Variants in CIITA observed in about 807,000 individuals in gnomAD.
CIITA encodes the protein MHC class II transactivator.
In CIITA, 72 loss-of-function variants were observed where a neutral mutation model predicts 115.1. The observed-to-expected ratio is 0.63, with a 90% CI of 0.52 to 0.76. CIITA has a LOEUF of 0.76. Among genes scored for constraint, CIITA ranks in the 30% least tolerant of loss-of-function variants. The pLI is 0.00. For missense variants in CIITA, 1,617 were observed against 1,463.8 expected (o/e 1.10, Z -1.71); for synonymous variants, 763 against 635.6 (o/e 1.20, Z -3.02).
chr16:10,891,545 C>A (rs577088532), intron 1 of CIITA, among the ~76,000 whole-genome samples: 3 of 152,138 alleles, frequency 2.0e-5, no homozygotes, highest in Non-Finnish European at 4.4e-5. Context: ...AACTCATTCA[C>A]GGAGTTGCTA....
At chr16:10,890,547 A>G (rs1054400121) in intron 1 of CIITA, among the ~76,000 whole-genome samples, 1 of 152,148 alleles carries the variant, frequency 6.6e-6, no homozygotes, top group Non-Finnish European at 1.5e-5. Flanking sequence ...TTGGACTCCC[A>G]AAGTGCTGGA....
chr16:10,931,683 G>C lies in CIITA; in HGVS notation c.*7828G>C, dbSNP rs2040801668. 2 of 152,208 alleles carry C rather than the reference G, an allele frequency of 1.3e-5. No homozygotes were observed. The highest frequency in any genetic ancestry group is 2.4e-5 in the African/African-American group (1 of 41,454). 9.4% of individuals were successfully genotyped at this position (152,208 alleles called of 1,614,324 possible). ...ACATGGCGAAATGAGGTCAAGACTA[G>C]CCTGGCCAACATGGCGAAACCGCGT... On this transcript the variant is annotated 3_prime_UTR_variant, in exon 20 of 20. Transcript: ENST00000324288.
intron 9 of CIITA, 89 bp downstream of exon 9, chr16:10,903,984 G>T (rs2038962241): frequency 1.3e-6 from 2 of 1,560,940 alleles, no homozygotes; most frequent in Non-Finnish European, 1.8e-6. Context: ...CACAAGCAAA[G>T]CTGCCTGTAG....
chr16:10,889,538 G>T (rs763539518), intron 1 of CIITA, among the ~76,000 whole-genome samples: 15 of 144,478 alleles, frequency 1.0e-4, no homozygotes, highest in Non-Finnish European at 1.5e-4. Flanking sequence ...TTTTTTTTTT[G>T]AGATGGTATC....
chr16:10,907,138 C>T lies in CIITA; in HGVS notation c.1646C>T (p.Pro549Leu). 1 of 1,612,782 alleles carries T rather than the reference C, an allele frequency of 6.2e-7. No homozygotes were observed. The highest frequency in any genetic ancestry group is 2.2e-5 in the East Asian group (1 of 44,852). The change falls in exon 11 of 20, where the codon CCC becomes CTC. Residue 549 changes from proline (P) to leucine (L), a missense_variant. Coordinates refer to ENST00000324288, the MANE Select transcript of CIITA (RefSeq NM_000246.4). The surrounding 1 kb of genome is among the most constrained non-coding windows in gnomAD (Gnocchi z 5.0). ...RGCTLLLTARPRGRLVQSLSK... is the reference protein window; with the variant it reads ...RGCTLLLTARLRGRLVQSLSK... Reference sequence around the variant, plus strand: ...TGCACCCTCCTCCTCACAGCCCGGCCCCGGGGCCGCCTGGTCCAGAGCCTG... The same window carrying T: ...TGCACCCTCCTCCTCACAGCCCGGCTCCGGGGCCGCCTGGTCCAGAGCCTG...
intron 1 of CIITA, among the ~76,000 whole-genome samples, chr16:10,881,868 C>T (rs2036466552): frequency 1.3e-5 from 2 of 152,170 alleles, no homozygotes; most frequent in Admixed American, 1.3e-4. Flanking sequence ...ACTCCAACTT[C>T]CTGTCTCTAT....
At chr16:10,904,192 A>G (rs1355060671) in intron 9 of CIITA, among the ~76,000 whole-genome samples, 1 of 152,130 alleles carries the variant, frequency 6.6e-6, no homozygotes, top group Non-Finnish European at 1.5e-5. Context: ...TGATTTTTAC[A>G]TAGATATTGT....
chr16:10,896,562 T>C (rs780803016), intron 3 of CIITA, among the ~76,000 whole-genome samples: 2 of 152,138 alleles, frequency 1.3e-5, no homozygotes, highest in East Asian at 3.8e-4. Context: ...CTCACCAGCA[T>C]CACCACCACC....
At chr16:10,883,241 C>T (rs1364054178) in intron 1 of CIITA, among the ~76,000 whole-genome samples, 1 of 152,218 alleles carries the variant, frequency 6.6e-6, no homozygotes, top group African/African-American at 2.4e-5. Context: ...GTCAGGTTCC[C>T]TTCCAGGAAA....
intron 12 of CIITA, 149 bp from the exon 13 acceptor site, chr16:10,910,039 C>T (rs1019403172): frequency 3.2e-6 from 2 of 625,654 alleles, no homozygotes; most frequent in Non-Finnish European, 5.7e-6. Context: ...CCAGACAGAT[C>T]TTTTTTTTTA....
At chr16:10,883,644 G>C (rs144990057) in intron 1 of CIITA, among the ~76,000 whole-genome samples, 78 of 152,296 alleles carry the variant, frequency 5.1e-4, no homozygotes, top group African/African-American at 1.9e-3. Context: ...GGATTTCCAC[G>C]TCCCTCTTGG....
chr16:10,937,105 T>C (rs1192259412), downstream of CIITA: 1 of 152,252 alleles, frequency 6.6e-6, no homozygotes, highest in East Asian at 1.9e-4. This position sits in a 1 kb window ranked among gnomAD's most constrained non-coding sequence, Gnocchi z 4.2. Context: ...AGACACATAC[T>C]GGGGTTTTCT....
At chr16:10,892,618 A>G (rs557839156) in intron 1 of CIITA, among the ~76,000 whole-genome samples, 1 of 152,306 alleles carries the variant, frequency 6.6e-6, no homozygotes, top group East Asian at 1.9e-4. Context: ...TTTATTTGGG[A>G]AAAGGGTCTT....
At chr16:10,938,672 G>C (rs1171953170), downstream of CIITA, 1 of 152,214 alleles carries the variant, frequency 6.6e-6, no homozygotes, top group Non-Finnish European at 1.5e-5. The surrounding 1 kb of genome is among the most constrained non-coding windows in gnomAD (Gnocchi z 4.9). Flanking sequence ...CTCGGCACTT[G>C]GGGGCAAGGC....
At position 10,901,976 on chromosome 16, in the gene CIITA, C is replaced by T. The variant is rs2038802750; in HGVS notation, c.482-62C>T. 2 of 1,603,190 alleles carry T rather than the reference C, an allele frequency of 1.2e-6. No homozygotes were observed. Among genetic ancestry groups the T allele is most frequent in the South Asian group, 1.1e-5 (1 of 90,844 alleles). ...GAGACATCCATGCCACTCCAGGGCC[C>T]TCCCCATCCCAGGAAGGCCCCTCCA... On this transcript the variant is annotated intron_variant, in intron 6 of 19. Coordinates refer to ENST00000324288, the MANE Select transcript of CIITA (RefSeq NM_000246.4). This position sits in a 1 kb window ranked among gnomAD's most constrained non-coding sequence, Gnocchi z 6.8.
chr16:10,906,855 T>G lies in CIITA; in HGVS notation c.1363T>G (p.Cys455Gly), dbSNP rs1159322601. The G allele has an allele frequency of 3.1e-6, 5 of 1,613,492 alleles. No homozygotes were observed. Reference sequence around the variant, plus strand: ...CTTTGTCTTCTCTGTCCCCTGCCATTGCTTGAACCGTCCGGGGGATGCCTA... The same window carrying G: ...CTTTGTCTTCTCTGTCCCCTGCCATGGCTTGAACCGTCCGGGGGATGCCTA... ...YDFVFSVPCH[C>G]LNRPGDAYGL... Residue 455 changes from cysteine to glycine, a missense_variant, in exon 11 of 20, where the codon TGC becomes GGC. Coordinates refer to ENST00000324288, the MANE Select transcript of CIITA (RefSeq NM_000246.4).
chr16:10,923,166 A>C lies in CIITA; in HGVS notation c.3318-62A>C. The C allele has an allele frequency of 6.9e-7, 1 of 1,449,072 alleles. No homozygotes were observed. Among genetic ancestry groups the C allele is most frequent in the South Asian group, 1.1e-5 (1 of 88,048 alleles). 89.8% of individuals were successfully genotyped at this position (1,449,072 alleles called of 1,614,324 possible). A position where few individuals can be genotyped will look rare whatever the true frequency, so the allele number is the denominator to read the frequency against. The stretch of plus-strand genomic sequence containing the variant: ...AAGGAGGGATTTGGGGGCAGCTGTC[A>C]CTGGGGCCCCAGGCCGCCCTCTCTC... On this transcript the variant is annotated intron_variant, in intron 18 of 19. Transcript: ENST00000324288. This position sits in a 1 kb window ranked among gnomAD's most constrained non-coding sequence, Gnocchi z 5.2.
chr16:10,896,728 C>CA (rs1277115932), intron 3 of CIITA, among the ~76,000 whole-genome samples: 1 of 152,212 alleles, frequency 6.6e-6, no homozygotes, highest in Non-Finnish European at 1.5e-5. Context: ...GAACAACCTG[C>CA]AAAACTCTTC....
upstream of CIITA, among the ~76,000 whole-genome samples, chr16:10,874,389 G>C (rs2035688476): frequency 6.6e-6 from 1 of 152,138 alleles, no homozygotes; most frequent in Admixed American, 6.5e-5. Flanking sequence ...CATTCACTCA[G>C]TGCTAGAGGT....
Sources: gnomAD v4.1 joint callset for allele counts (sites outside exome capture counted in the v4.1 genomes callset) on GRCh38, gnomAD v4.1.1 for gene constraint, Gnocchi (gnomAD v3.1) non-coding constraint, MANE v1.5 for transcripts, NCBI Gene and HGNC (gene_info 2026-07-23, HGNC 2026-07-21) for gene names.